The following MGAT4C variants were observed in gnomAD, a reference collection of about 807,000 sequenced individuals.
The protein encoded by MGAT4C is MGAT4 family member C.
A neutral mutation model predicts 40.1 loss-of-function variants in MGAT4C; 19 were observed. The ratio of observed to expected loss-of-function variants is 0.47; its 90% CI spans 0.33 to 0.70. The LOEUF is 0.70. MGAT4C is among the 30% of genes least tolerant of loss of function. The pLI is 0.02. For synonymous variants in MGAT4C, 181 were observed against 187.1 expected (o/e 0.97, Z 0.27); for missense variants, 491 against 563.2 (o/e 0.87, Z 1.30).
At chr12:86,511,084 G>C (rs376234496) in intron 2 of MGAT4C, among the ~76,000 whole-genome samples, 13 of 151,928 alleles carry the variant, frequency 8.6e-5, no homozygotes, top group Non-Finnish European at 1.2e-4. Flanking sequence ...TGACCACATA[G>C]TTGGAAGTAA....
chr12:86,110,296 C>CTATATATATATAG lies in MGAT4C; in HGVS notation c.-56-60574_-56-60573insCTATATATATATA, dbSNP rs375212206. 5.5e-3 allele frequency among the ~76,000 whole-genome samples: 104 copies of CTATATATATATAG among 18,912 alleles called. 15 individuals are homozygous for CTATATATATATAG. Among genetic ancestry groups the CTATATATATATAG allele is most frequent in the East Asian group, 0.036 (24 of 662 alleles). The allele number at this position is 18,912 out of a possible 152,430, so 12.4% of individuals were successfully genotyped here. On this transcript the variant is annotated intron_variant, in intron 1 of 4. Transcript: ENST00000611864. ...TATATATAGTCTATATATATATAGT[C>CTATATATATATAG]TCTCTATATATATATATATATAGTC...
At position 86,368,440 on chromosome 12, in the gene MGAT4C, T is replaced by C. The variant is rs559644663; in HGVS notation, c.-119-34313A>G. On this transcript the variant is annotated intron_variant, in intron 3 of 7. Coordinates refer to the MGAT4C transcript ENST00000548651. ...TTCTCACTTCCGTCACCTTTAGGCT[T>C]GATTTTTTTATTTTTGTGTTTCTTT... Among the ~76,000 whole-genome samples the C allele has an allele frequency of 2.0e-5, 3 of 152,216 alleles. No homozygotes were observed. In the South Asian group the frequency reaches 6.2e-4, roughly 32 times the overall value.
chr12:86,234,202 G>A (rs1658616156), intron 1 of MGAT4C, among the ~76,000 whole-genome samples: 1 of 152,042 alleles, frequency 6.6e-6, no homozygotes, highest in Non-Finnish European at 1.5e-5. Flanking sequence ...GAATTCCAGA[G>A]AACATCTGAT....
intron 2 of MGAT4C, among the ~76,000 whole-genome samples, chr12:86,677,883 A>G (rs1423820482): frequency 6.6e-6 from 1 of 152,134 alleles, no homozygotes; most frequent in African/African-American, 2.4e-5. Flanking sequence ...CTGTTAAACG[A>G]AAGACTATTG....
At chr12:86,759,202 T>A (rs1951358472) in intron 1 of MGAT4C, among the ~76,000 whole-genome samples, 1 of 152,136 alleles carries the variant, frequency 6.6e-6, no homozygotes, top group Admixed American at 6.5e-5. Flanking sequence ...TTCATGATGC[T>A]GCAACTGTCA....
chr12:86,812,344 T>C (rs1189540546), intron 1 of MGAT4C, among the ~76,000 whole-genome samples: 1 of 152,152 alleles, frequency 6.6e-6, no homozygotes, highest in Non-Finnish European at 1.5e-5. Flanking sequence ...AGATTTTCTA[T>C]ATCCTTTGTT....
rs186133710 is a variant in MGAT4C, at chr12:86,073,496, T to A, written c.-56-23773A>T. On this transcript the variant is annotated intron_variant, in intron 1 of 4. Transcript: ENST00000611864. Reference sequence around the variant, plus strand: ...AAGAAGACAGGAAAATGTGGGAAAGTTTGGAGCTTCCTGGAGACTTGTTGA... The same window carrying A: ...AAGAAGACAGGAAAATGTGGGAAAGATTGGAGCTTCCTGGAGACTTGTTGA... 4.6e-5 allele frequency among the ~76,000 whole-genome samples: 7 copies of A among 152,182 alleles called. No individual in the cohort carries two copies. In the East Asian group the frequency reaches 1.4e-3, roughly 29 times the overall value.
At chr12:86,395,153 C>G (rs1290953750) in intron 3 of MGAT4C, among the ~76,000 whole-genome samples, 2 of 152,012 alleles carry the variant, frequency 1.3e-5, no homozygotes, top group Non-Finnish European at 2.9e-5. Context: ...TAATAAATGA[C>G]TTTAAGGAAG....
chr12:86,452,387 G>A (rs1261836291), intron 2 of MGAT4C, among the ~76,000 whole-genome samples: 2 of 143,390 alleles, frequency 1.4e-5, no homozygotes, highest in African/African-American at 2.5e-5. Context: ...TGTGTGTGAT[G>A]TTCCCCTTTA....
chr12:86,185,298 C>A (rs1249275960), intron 1 of MGAT4C, among the ~76,000 whole-genome samples: 4 of 151,894 alleles, frequency 2.6e-5, no homozygotes, highest in Admixed American at 6.6e-5. Flanking sequence ...GTAATTTAAC[C>A]TTTTCATAAT....
intron 1 of MGAT4C, among the ~76,000 whole-genome samples, chr12:86,155,621 A>G (rs1381081734): frequency 6.6e-6 from 1 of 152,038 alleles, no homozygotes; most frequent in African/African-American, 2.4e-5. Flanking sequence ...GGTGGAGTGC[A>G]TTTGTGTGTT....
intron 1 of MGAT4C, among the ~76,000 whole-genome samples, chr12:86,252,609 A>G (rs1421292790): frequency 6.6e-6 from 1 of 151,962 alleles, no homozygotes; most frequent in East Asian, 1.9e-4. Flanking sequence ...AGCTACCAAG[A>G]CAGTGAAAAA....
chr12:86,801,484 G>A (rs1952225108), intron 1 of MGAT4C, among the ~76,000 whole-genome samples: 1 of 151,846 alleles, frequency 6.6e-6, no homozygotes, highest in Non-Finnish European at 1.5e-5. Context: ...CCAGGGGATA[G>A]GAGATCAATA....
intron 1 of MGAT4C, among the ~76,000 whole-genome samples, chr12:86,176,027 C>G (rs566465781): frequency 6.6e-6 from 1 of 152,198 alleles, no homozygotes; most frequent in Admixed American, 6.5e-5. Flanking sequence ...GTCTCTTATG[C>G]AGTAGTTTTG....
intron 2 of MGAT4C, among the ~76,000 whole-genome samples, chr12:86,673,637 A>C: frequency 6.6e-6 from 1 of 152,320 alleles, no homozygotes; most frequent in East Asian, 1.9e-4. Flanking sequence ...TGCTTTAGAT[A>C]AACTTTAACA....
chr12:86,820,206 T>TG (rs1952681569), intron 1 of MGAT4C, among the ~76,000 whole-genome samples: 1 of 150,828 alleles, frequency 6.6e-6, no homozygotes, highest in Admixed American at 6.6e-5. Flanking sequence ...TTTATTATAA[T>TG]GGGCAATTTT....
intron 2 of MGAT4C, among the ~76,000 whole-genome samples, chr12:86,546,003 T>C (rs1959191030): frequency 6.6e-6 from 1 of 151,918 alleles, no homozygotes; most frequent in African/African-American, 2.4e-5. Flanking sequence ...ATTTTAAAGG[T>C]TATTTGCTAT....
intron 1 of MGAT4C, among the ~76,000 whole-genome samples, chr12:86,765,708 T>A (rs2136159373): frequency 6.6e-6 from 1 of 152,270 alleles, no homozygotes; most frequent in East Asian, 1.9e-4. Context: ...TGGGGGCCAA[T>A]ATTCAACATT....
chr12:86,131,743 G>GTT (rs11461305), intron 1 of MGAT4C, among the ~76,000 whole-genome samples: 60 of 150,720 alleles, frequency 4.0e-4, no homozygotes, highest in African/African-American at 1.2e-3. Context: ...ATAAAAACTG[G>GTT]TTTTTTTTTC....
Sources: gnomAD v4.1 joint callset for allele counts (sites outside exome capture counted in the v4.1 genomes callset) on GRCh38, gnomAD v4.1.1 for gene constraint, MANE v1.5 for transcripts, NCBI Gene and HGNC (gene_info 2026-07-23, HGNC 2026-07-21) for gene names.